The following NBR1 variants were observed in gnomAD, a reference collection of about 807,000 sequenced individuals.
The protein encoded by NBR1 is next to BRCA1 gene 1 protein.
In NBR1, 59 loss-of-function variants were observed where a neutral mutation model predicts 115.5. The ratio of observed to expected loss-of-function variants is 0.51; its 90% confidence interval spans 0.41 to 0.63. NBR1 has a LOEUF of 0.63. Among genes scored for constraint, NBR1 ranks in the 30% least tolerant of loss-of-function variants. The pLI is 0.00. For missense variants in NBR1, 1,043 were observed against 1,150.5 expected (o/e 0.91, Z 1.35); for synonymous variants, 373 against 414.7 (o/e 0.90, Z 1.22).
intron 2 of NBR1, chr17:43,176,283 G>C (rs1355389628): frequency 6.2e-6 from 1 of 160,594 alleles, no homozygotes; most frequent in Non-Finnish European, 1.4e-5. Flanking sequence ...GATATAACTT[G>C]TGTTTTGCAA....
intron 12 of NBR1, 113 bp downstream of exon 12, chr17:43,193,751 G>C: frequency 8.6e-7 from 1 of 1,161,308 alleles, no homozygotes; most frequent in Non-Finnish European, 1.2e-6. Context: ...ACCTTGAAAG[G>C]TTAGCATCTC....
At chr17:43,171,598 G>A (rs2056371355) in intron 1 of NBR1, among the ~76,000 whole-genome samples, 1 of 152,204 alleles carries the variant, frequency 6.6e-6, no homozygotes, top group Admixed American at 6.5e-5. Context: ...AGCCCTCGGG[G>A]TAGTGACACT....
At chr17:43,174,705 G>A (rs183758271) in intron 1 of NBR1, among the ~76,000 whole-genome samples, 32 of 152,094 alleles carry the variant, frequency 2.1e-4, no homozygotes, top group Admixed American at 2.1e-3. Flanking sequence ...GAGATGCGGG[G>A]GTATATGTGA....
chr17:43,189,914 A>G (rs8069921), intron 8 of NBR1, 112 bp downstream of exon 8: 2 of 892,010 alleles, frequency 2.2e-6, no homozygotes, highest in Non-Finnish European at 3.5e-6. Flanking sequence ...TGAGCATTAG[A>G]TGTTGTAGCT....
intron 17 of NBR1, 102 bp from the exon 18 acceptor site, chr17:43,201,584 C>A: frequency 1.4e-6 from 1 of 698,990 alleles, no homozygotes; most frequent in South Asian, 1.7e-5. Context: ...AAATGTGAAG[C>A]CTCTGTAGAG....
rs1442514019 is a variant in NBR1, at chr17:43,193,621, C to T, written c.1507C>T (p.Leu503Phe). ...GMISSSKTDDLTCQQEETFLL... is the reference protein window; with the variant it reads ...GMISSSKTDDFTCQQEETFLL... ...GATCAGCTCAAGCAAAACTGATGAT[C>T]TCACCTGCCAGCAAGAGGTGAGCAT... Residue 503 changes from leucine to phenylalanine, a missense_variant, in exon 12 of 21, where the codon CTC (leucine) becomes TTC (phenylalanine). Coordinates refer to ENST00000590996, the MANE Select transcript of NBR1 (RefSeq NM_005899.5). 1.9e-6 allele frequency: 3 copies of T among 1,608,946 alleles called. No homozygotes were observed. In the Admixed American group the frequency reaches 5.1e-5, roughly 27 times the overall value.
rs2057390246 is a variant in NBR1 at position 43,210,035 on chromosome 17, T to G, written c.2862T>G (p.Leu954=). Residue 954 remains leucine, a synonymous_variant, in exon 21 of 21, where the codon CTT becomes CTG. Coordinates refer to ENST00000590996, the MANE Select transcript of NBR1 (RefSeq NM_005899.5). The part of the protein sequence containing the change: ...YNILQVVTEL[L]QLNNNDWYSQ... ...TCCTGCAGGTTGTGACAGAACTTCT[T>G]CAGTTAAACAACAACGACTGGTACA... 2 of 1,612,924 alleles carry G rather than the reference T, an allele frequency of 1.2e-6. No homozygotes were observed. Among genetic ancestry groups the G allele is most frequent in the Non-Finnish European group, 1.7e-6 (2 of 1,179,406 alleles).
At chr17:43,175,991 G>A (rs2056507174) in intron 2 of NBR1, 90 bp downstream of exon 2, 9 of 738,608 alleles carry the variant, frequency 1.2e-5, no homozygotes, top group Non-Finnish European at 1.8e-5. Flanking sequence ...TTTCATAGCT[G>A]TGAAGTCTGT....
intron 20 of NBR1, chr17:43,209,689 T>G: frequency 6.5e-7 from 1 of 1,535,364 alleles, no homozygotes; most frequent in South Asian, 1.2e-5. Context: ...CTCCTTCAAG[T>G]ACACAGATAA....
At chr17:43,204,521 A>T (rs1235895302) in intron 20 of NBR1, among the ~76,000 whole-genome samples, 1 of 151,888 alleles carries the variant, frequency 6.6e-6, no homozygotes, top group African/African-American at 2.4e-5. Context: ...AAAATTTAAA[A>T]ATTAGATAAG....
At chr17:43,177,572 A>C (rs1483219635) in intron 2 of NBR1, among the ~76,000 whole-genome samples, 2 of 131,258 alleles carry the variant, frequency 1.5e-5, no homozygotes, top group African/African-American at 3.1e-5. Flanking sequence ...CCCCACCCAA[A>C]ACACACACAC....
At chr17:43,204,835 T>C (rs1282883158) in intron 20 of NBR1, among the ~76,000 whole-genome samples, 1 of 139,268 alleles carries the variant, frequency 7.2e-6, no homozygotes, top group Non-Finnish European at 1.5e-5. Flanking sequence ...AAAAAAAGTA[T>C]GATGGCATGC....
Position 43,200,584 on chromosome 17 carries a change from T to C in NBR1, c.2444T>C (p.Val815Ala), listed in dbSNP as rs762452402. 1.2e-6 allele frequency: 2 copies of C among 1,607,680 alleles called. No homozygotes were observed. The highest frequency in any genetic ancestry group is 1.7e-5 in the Admixed American group (1 of 59,866). Residue 815 changes from valine (V) to alanine (A), a missense_variant, in exon 17 of 21, where the codon GTG becomes GCG. By Grantham distance (64) the Val-to-Ala change is moderately conservative (BLOSUM62 0). Coordinates refer to ENST00000590996, the MANE Select transcript of NBR1 (RefSeq NM_005899.5). ...ACAGTGCCCCTAATCCCAGAGGTAG[T>C]GGAGCTTCCACCGTCACTGCCCAGG... ...LETVPLIPEV[V>A]ELPPSLPRSS... is the part of the protein sequence containing the mutation.
At chr17:43,193,718 T>C in intron 12 of NBR1, 80 bp downstream of exon 12, 2 of 1,435,270 alleles carry the variant, frequency 1.4e-6, no homozygotes, top group Admixed American at 2.5e-5. Flanking sequence ...AAGAACCCAC[T>C]CATAGCTGGT....
At chr17:43,178,136 C>G (rs2056569831) in intron 3 of NBR1, 138 bp downstream of exon 3, 1 of 1,055,870 alleles carries the variant, frequency 9.5e-7, no homozygotes, top group African/African-American at 1.6e-5. Flanking sequence ...ACTGAATATT[C>G]TAAGAAGACT....
rs1353463651 is a variant in NBR1, at chr17:43,193,381, T to C, written c.1267T>C (p.Ser423Pro). 6.2e-7 allele frequency: 1 copy of C among 1,613,996 alleles called. No homozygotes were observed. The highest frequency in any genetic ancestry group is 1.1e-5 in the South Asian group (1 of 91,082). Residue 423 changes from serine (S) to proline (P), a missense_variant, in exon 12 of 21, where the codon TCC (serine) becomes CCC (proline). Transcript: ENST00000590996. ...KFMWGNLTLA[S>P]TEKKDVLVPC... The stretch of plus-strand genomic sequence containing the variant: ...CATGTGGGGAAACCTGACTTTGGCT[T>C]CCACAGAAAAGAAGGATGTTTTGGT...
chr17:43,182,257 G>A (rs1173672339), intron 5 of NBR1, among the ~76,000 whole-genome samples: 1 of 122,296 alleles, frequency 8.2e-6, no homozygotes, highest in African/African-American at 3.2e-5. Flanking sequence ...TCACTCTGTC[G>A]CTCAGGCTGG....
In NBR1 at chr17:43,189,568, C is replaced by T. The variant is rs372289066; in HGVS notation, c.481-20C>T. 1.9e-6 allele frequency: 3 copies of T among 1,589,336 alleles called. No individual in the cohort carries two copies. The African/African-American group carries it at 4.0e-5, about 21-fold the overall frequency. The stretch of plus-strand genomic sequence containing the variant: ...ATATTGGAACTGAGTTTTTTCCCTA[C>T]CTTCTGCTCCATATTCTAGTTCAGA... On this transcript the variant is annotated intron_variant, in intron 7 of 20. Coordinates refer to ENST00000590996, the MANE Select transcript of NBR1 (RefSeq NM_005899.5).
chr17:43,172,285 G>T (rs1351255279), intron 1 of NBR1, among the ~76,000 whole-genome samples: 1 of 152,220 alleles, frequency 6.6e-6, no homozygotes, highest in African/African-American at 2.4e-5. Flanking sequence ...GTCAGCCAAA[G>T]AGAGTTCCTT....
Sources: allele counts gnomAD v4.1 joint callset (sites outside exome capture counted in the v4.1 genomes callset), GRCh38; gene constraint gnomAD v4.1.1; transcripts MANE v1.5; gene names NCBI Gene and HGNC (gene_info 2026-07-23, HGNC 2026-07-21).